The following TRIM2 variants were observed in gnomAD, a reference collection of about 807,000 sequenced individuals.
TRIM2 encodes the protein tripartite motif-containing protein 2.
Under a neutral mutation model 75.2 loss-of-function variants are expected in TRIM2, and 20 were observed. That is an observed-to-expected ratio of 0.27 (90% CI 0.19 to 0.39). TRIM2 has a LOEUF of 0.39. Ranked by LOEUF, TRIM2 falls within the 10% of genes least tolerant of loss-of-function variation. The pLI, the probability that TRIM2 is intolerant of heterozygous loss-of-function variation, is 1.00. For missense variants in TRIM2, 660 were observed against 990.8 expected (o/e 0.67, Z 4.48); for synonymous variants, 373 against 388.3 (o/e 0.96, Z 0.46).
chr4:153,178,129 T>C (rs570502817), intron 1 of TRIM2, among the ~76,000 whole-genome samples: 5 of 152,060 alleles, frequency 3.3e-5, no homozygotes, highest in Admixed American at 1.3e-4. Flanking sequence ...TCAAATCAAG[T>C]TCTCTTCAGA....
At chr4:153,315,621 T>A (rs751270592) in intron 7 of TRIM2, 33 bp downstream of exon 7, 2 of 1,520,998 alleles carry the variant, frequency 1.3e-6, no homozygotes, top group Non-Finnish European at 1.8e-6. Context: ...TTTAACTACT[T>A]ATATTGATAA....
chr4:153,155,522 C>T (rs1729150667), intron 1 of TRIM2, among the ~76,000 whole-genome samples: 1 of 152,004 alleles, frequency 6.6e-6, no homozygotes, highest in Admixed American at 6.6e-5. Context: ...GTGGCGACTT[C>T]GTTACTGTCA....
At chr4:153,288,685 C>T (rs1308535737) in intron 3 of TRIM2, among the ~76,000 whole-genome samples, 1 of 151,996 alleles carries the variant, frequency 6.6e-6, no homozygotes, top group Non-Finnish European at 1.5e-5. Context: ...CTTTCCCTTT[C>T]TCTCTTCCTC....
chr4:153,314,376 C>T (rs545910206), intron 6 of TRIM2, among the ~76,000 whole-genome samples: 5 of 140,868 alleles, frequency 3.5e-5, no homozygotes, highest in South Asian at 2.2e-4. Context: ...GCCGAGATCC[C>T]GCCACTGCAC....
At chr4:153,291,727 T>G (rs1442565997) in intron 3 of TRIM2, among the ~76,000 whole-genome samples, 1 of 152,132 alleles carries the variant, frequency 6.6e-6, no homozygotes, top group Non-Finnish European at 1.5e-5. Context: ...TTTTTTTATT[T>G]TCAGGTAAGC....
intron 1 of TRIM2, among the ~76,000 whole-genome samples, chr4:153,267,683 T>C (rs1755601373): frequency 6.6e-6 from 1 of 152,130 alleles, no homozygotes; most frequent in African/African-American, 2.4e-5. Context: ...GAATAAAGAA[T>C]AATAGTATGA....
At chr4:153,318,333 TCA>T (rs1768152504) in intron 8 of TRIM2, among the ~76,000 whole-genome samples, 1 of 152,250 alleles carries the variant, frequency 6.6e-6, no homozygotes, top group Non-Finnish European at 1.5e-5. Flanking sequence ...TGTGAAACTC[TCA>T]GATTTGAGCC....
rs561585721 is a variant in TRIM2 at position 153,199,117 on chromosome 4, A to T, written c.-49+45847A>T. Among the ~76,000 whole-genome samples the T allele has an allele frequency of 6.6e-5, 10 of 152,332 alleles. No individual in the cohort carries two copies. In the South Asian group the frequency reaches 1.5e-3, roughly 22 times the overall value. Reference sequence around the variant, plus strand: ...GTAATATGATGATCAGGAAAGAAATAGGCCCCGGGGATATGTGAAACAGCT... The same window carrying T: ...GTAATATGATGATCAGGAAAGAAATTGGCCCCGGGGATATGTGAAACAGCT... On this transcript the variant is annotated intron_variant, in intron 1 of 11. Transcript: ENST00000437508.
At chr4:153,152,552 C>T (rs1728828065), upstream of TRIM2, 2 of 151,900 alleles carry the variant, frequency 1.3e-5, no homozygotes, top group Non-Finnish European at 2.9e-5. Context: ...TATCAAGGAG[C>T]TGCCCGTGCT....
chr4:153,330,630 A>T (rs1170371615), intron 11 of TRIM2, among the ~76,000 whole-genome samples: 1 of 152,198 alleles, frequency 6.6e-6, no homozygotes, highest in Non-Finnish European at 1.5e-5. Context: ...AAACTATATG[A>T]TCATATCAAT....
At chr4:153,221,051 G>A (rs1034039965) in intron 1 of TRIM2, among the ~76,000 whole-genome samples, 7 of 152,202 alleles carry the variant, frequency 4.6e-5, no homozygotes, top group Admixed American at 6.5e-5. Context: ...AATGTTCATA[G>A]CAGCATTATT....
At chr4:153,224,388 G>C (rs78043687) in intron 1 of TRIM2, among the ~76,000 whole-genome samples, 5,072 of 152,244 alleles carry the variant, frequency 0.033, 123 homozygotes, top group Middle Eastern at 0.058. Flanking sequence ...CTAATGAAAA[G>C]TCTTCTAGGT....
chr4:153,338,228 T>C lies in TRIM2; in HGVS notation c.*3262T>C. On this transcript the variant is annotated 3_prime_UTR_variant, in exon 12 of 12. Transcript: ENST00000338700. Reference sequence around the variant, plus strand: ...CTGTGAATCCTTAGCACTGACGGGTTAACAGAAATGCTTTGGTAATACCTA... The same window carrying C: ...CTGTGAATCCTTAGCACTGACGGGTCAACAGAAATGCTTTGGTAATACCTA... The C allele has an allele frequency of 1.0e-6, 1 of 985,864 alleles. No individual in the cohort carries two copies. The highest frequency in any genetic ancestry group is 4.7e-5 in the South Asian group (1 of 21,286). The allele number at this position is 985,864 out of a possible 1,614,324, so 61.1% of individuals were successfully genotyped here.
upstream of TRIM2, among the ~76,000 whole-genome samples, chr4:153,200,761 G>A (rs1250586219): frequency 2.1e-5 from 3 of 141,556 alleles, no homozygotes; most frequent in African/African-American, 7.8e-5. Context: ...GGCTATCCTA[G>A]TAGGTGTAAA....
chr4:153,280,812 G>T (rs1759164484), intron 3 of TRIM2, among the ~76,000 whole-genome samples: 1 of 152,102 alleles, frequency 6.6e-6, no homozygotes, highest in Non-Finnish European at 1.5e-5. Flanking sequence ...AGCCGCCCGA[G>T]TAGCTGGGAC....
intron 3 of TRIM2, among the ~76,000 whole-genome samples, chr4:153,288,612 G>A (rs990438461): frequency 6.6e-6 from 1 of 152,086 alleles, no homozygotes. Context: ...TTTTGGATGT[G>A]TAGATTTGTG....
In TRIM2 at chr4:153,292,902, A is replaced by G. The variant is rs1355164143; in HGVS notation, c.454-80A>G. On this transcript the variant is annotated intron_variant, in intron 3 of 11. Transcript: ENST00000338700. ...GGTGGCTCTCATTTAATTATGAGAG[A>G]CTGCAAGGCAAGTGCTTAGTGTAGA... The G allele has an allele frequency of 2.3e-6, 3 of 1,296,290 alleles. No individual in the cohort carries two copies. In the African/African-American group the frequency reaches 4.4e-5, roughly 19 times the overall value. 80.3% of individuals were successfully genotyped at this position (1,296,290 alleles called of 1,614,324 possible).
intron 3 of TRIM2, among the ~76,000 whole-genome samples, chr4:153,290,863 A>C (rs1341077718): frequency 6.6e-6 from 1 of 152,200 alleles, no homozygotes; most frequent in East Asian, 1.9e-4. Flanking sequence ...CCCTGGCCTC[A>C]AGTGATCCTC....
At position 153,247,668 on chromosome 4, in the gene TRIM2, ACT is replaced by A. The variant is rs904713795; in HGVS notation, c.31-22664_31-22663del. On this transcript the variant is annotated intron_variant, in intron 1 of 11. Coordinates refer to ENST00000338700, the MANE Select transcript of TRIM2 (RefSeq NM_015271.5). ...ACTCCAGCCTGGGAAACAGAGTGAG[ACT>A]CTGTCTCAAAAAAAAAAAAAAAAAA... Among the ~76,000 whole-genome samples the A allele has an allele frequency of 9.7e-5, 10 of 102,880 alleles. No individual in the cohort carries two copies. In the South Asian group the frequency reaches 1.1e-3, roughly 11 times the overall value. 67.5% of individuals were successfully genotyped at this position (102,880 alleles called of 152,430 possible). A position where few individuals can be genotyped will look rare whatever the true frequency, so the allele number is the denominator to read the frequency against.
Sources: allele counts gnomAD v4.1 joint callset (sites outside exome capture counted in the v4.1 genomes callset), GRCh38; gene constraint gnomAD v4.1.1; transcripts MANE v1.5; gene names NCBI Gene and HGNC (gene_info 2026-07-23, HGNC 2026-07-21).